Variants in BMX observed in about 807,000 individuals in gnomAD.
The protein encoded by BMX is BMX non-receptor tyrosine kinase.
A neutral mutation model predicts 59.2 loss-of-function variants in BMX; 31 were observed. The observed-to-expected ratio is 0.52, with a 90% CI of 0.39 to 0.71. The LOEUF is 0.71. BMX is among the 30% of genes least tolerant of loss of function. BMX has a pLI of 0.00. For synonymous variants in BMX, 185 were observed against 181.0 expected (o/e 1.02, Z -0.18); for missense variants, 474 against 491.7 (o/e 0.96, Z 0.34).
intron 18 of BMX, among the ~76,000 whole-genome samples, chrX:15,551,650 A>C (rs1307770742): frequency 9.0e-6 from 1 of 110,845 alleles, no homozygotes; most frequent in East Asian, 2.8e-4. Context: ...ACCGGAGCCT[A>C]GAGTCCCACT....
rs183370674 is a variant in BMX at position 15,521,177 on chromosome X, A to G, written c.511-1169A>G. On this transcript the variant is annotated intron_variant, in intron 6 of 18. Transcript: ENST00000348343. ...CTCAGATAAAGAAACACAACATCACAGAACCCCAGGGACACCCTGATGTTC... is the reference window on the plus strand; with the variant it reads ...CTCAGATAAAGAAACACAACATCACGGAACCCCAGGGACACCCTGATGTTC... Among the ~76,000 whole-genome samples the G allele has an allele frequency of 3.8e-3, 429 of 111,699 alleles. 1 individual carries two copies. Among genetic ancestry groups the G allele is most frequent in the African/African-American group, 0.013 (407 of 30,737 alleles).
At chrX:15,550,880 T>G (rs1926166829) in intron 18 of BMX, among the ~76,000 whole-genome samples, 1 of 111,402 alleles carries the variant, frequency 9.0e-6, no homozygotes, top group Non-Finnish European at 1.9e-5. Flanking sequence ...AGCAGCTTCT[T>G]GAATGCATTG....
Position 15,526,222 on chromosome X carries a change from C to T in BMX, c.884+127C>T, listed in dbSNP as rs375276141. ...GGCTGTATTTACATGGGTAAACTCA[C>T]GTAATGTTCTGGGTCATTTATCTAG... On this transcript the variant is annotated intron_variant, in intron 9 of 18. Transcript: ENST00000348343. 15 of 522,247 alleles carry T rather than the reference C, an allele frequency of 2.9e-5. No homozygotes were observed. In the Admixed American group the frequency reaches 3.3e-4, roughly 12 times the overall value. The allele number at this position is 522,247 out of a possible 1,213,427, so 43.0% of individuals were successfully genotyped here.
At chrX:15,523,300 C>T (rs1286467506) in intron 7 of BMX, among the ~76,000 whole-genome samples, 1 of 111,983 alleles carries the variant, frequency 8.9e-6, no homozygotes. Context: ...AGCATCCCTG[C>T]AGGGAAGTCA....
rs1924943676 is a variant in BMX, at chrX:15,529,193, G to C, written c.885-780G>C. On this transcript the variant is annotated intron_variant, in intron 9 of 18. Transcript: ENST00000348343. The stretch of plus-strand genomic sequence containing the variant: ...GACCTAAGGCTCTTTCTATTTTATT[G>C]AGCTGTCCACCAGCTGACATCCCTT... Among the ~76,000 whole-genome samples the C allele has an allele frequency of 2.7e-5, 3 of 111,472 alleles. No homozygotes were observed. In the South Asian group the frequency reaches 1.1e-3, roughly 42 times the overall value.
intron 14 of BMX, among the ~76,000 whole-genome samples, chrX:15,538,413 G>T (rs1439438337): frequency 9.0e-6 from 1 of 111,608 alleles, no homozygotes; most frequent in Non-Finnish European, 1.9e-5. Flanking sequence ...GAATCAATCA[G>T]TATGGTATGA....
At chrX:15,514,018 TGTC>T (rs1474313269) in intron 4 of BMX, among the ~76,000 whole-genome samples, 3 of 111,831 alleles carry the variant, frequency 2.7e-5, no homozygotes, top group African/African-American at 9.8e-5. Flanking sequence ...TTCCTCTTAT[TGTC>T]GTTATTAGGT....
Position 15,537,280 on chromosome X carries a change from T to A in BMX, c.1369T>A (p.Phe457Ile). The A allele has an allele frequency of 8.3e-7, 1 of 1,210,598 alleles. No homozygotes were observed. Among genetic ancestry groups the A allele is most frequent in the Non-Finnish European group, 1.1e-6 (1 of 895,086 alleles). Reference sequence around the variant, plus strand: ...GGAGGGCTCCATGTCAGAAGATGAATTCTTTCAGGAGGCCCAGACTATGAT... The same window carrying A: ...GGAGGGCTCCATGTCAGAAGATGAAATCTTTCAGGAGGCCCAGACTATGAT... ...IKEGSMSEDE[F>I]FQEAQTMMKL... The change falls in exon 14 of 19, where the codon TTC (phenylalanine) becomes ATC (isoleucine). Residue 457 changes from phenylalanine (F) to isoleucine (I), a missense_variant. Physicochemically the swap from Phe to Ile is conservative, Grantham distance 21 (BLOSUM62 0). Coordinates refer to ENST00000348343, the MANE Select transcript of BMX (RefSeq NM_203281.3).
chrX:15,511,075 T>C (rs1166152150), intron 3 of BMX, among the ~76,000 whole-genome samples: 2 of 111,947 alleles, frequency 1.8e-5, no homozygotes, highest in African/African-American at 6.5e-5. Flanking sequence ...TTAAACATTT[T>C]CCAGTGGGCT....
intron 18 of BMX, among the ~76,000 whole-genome samples, chrX:15,550,788 A>G (rs1000813309): frequency 9.0e-6 from 1 of 110,514 alleles, no homozygotes; most frequent in Non-Finnish European, 1.9e-5. Context: ...CATAACTTTC[A>G]ATGGCAAAAA....
rs146068749 is a variant in BMX, at chrX:15,516,994, C to T, written c.445+763C>T. 2.5e-4 allele frequency among the ~76,000 whole-genome samples: 28 copies of T among 111,462 alleles called. No individual in the cohort carries two copies. The East Asian group carries it at 7.9e-3, about 31-fold the overall frequency. ...ACAAAATATGCCTGGATTACAATGG[C>T]TTTAAAGAATTGAATGAGATCAGCT... On this transcript the variant is annotated intron_variant, in intron 5 of 18. Coordinates refer to ENST00000348343, the MANE Select transcript of BMX (RefSeq NM_203281.3).
chrX:15,552,067 T>C (rs1422881009), intron 18 of BMX, among the ~76,000 whole-genome samples: 4 of 112,457 alleles, frequency 3.6e-5, no homozygotes, highest in Non-Finnish European at 7.5e-5. Context: ...CAACTGTATA[T>C]GGCTGCCAAT....
chrX:15,527,289 C>T (rs762415556), intron 9 of BMX, among the ~76,000 whole-genome samples: 878 of 73,088 alleles, frequency 0.012, 27 homozygotes, highest in African/African-American at 0.052. Flanking sequence ...TATATACACA[C>T]ACACACACAC....
intron 15 of BMX, 127 bp from the exon 16 acceptor site, chrX:15,542,944 C>T (rs1312432351): frequency 3.4e-6 from 2 of 592,264 alleles, no homozygotes; most frequent in Non-Finnish European, 5.3e-6. Context: ...AAAAAGACAA[C>T]TTTAGAGCAC....
At chrX:15,543,828 T>A (rs1037389408) in intron 16 of BMX, among the ~76,000 whole-genome samples, 14 of 112,051 alleles carry the variant, frequency 1.2e-4, no homozygotes, top group Non-Finnish European at 2.1e-4. Flanking sequence ...ATCGTTTTTT[T>A]AAAGTCTTCT....
Position 15,502,450 on chromosome X carries a change from C to T in BMX, c.-10+1510C>T, listed in dbSNP as rs757886595. ...TGGGGCACTGAAGATTAATCTCACA[C>T]CTAAAGCAAAACTTAGCTCCAAAAA... On this transcript the variant is annotated intron_variant, in intron 1 of 18. Transcript: ENST00000348343. 2.7e-5 allele frequency among the ~76,000 whole-genome samples: 3 copies of T among 112,037 alleles called. No homozygotes were observed. The South Asian group carries it at 1.1e-3, about 41-fold the overall frequency.
Position 15,546,785 on chromosome X carries a change from A to G in BMX, c.1677-18A>G. The G allele has an allele frequency of 8.5e-7, 1 of 1,180,230 alleles. No individual in the cohort carries two copies. The highest frequency in any genetic ancestry group is 1.2e-6 in the Non-Finnish European group (1 of 867,994). ...CCACCACGGCTTAAGGTCTGTGTTG[A>G]TGTGTTTTCCCTGGCAGGTATGTTC... On this transcript the variant is annotated intron_variant, in intron 16 of 18. Coordinates refer to ENST00000348343, the MANE Select transcript of BMX (RefSeq NM_203281.3).
rs149207813 is a variant in BMX, at chrX:15,553,793, A to G, written c.1954-2280A>G. On this transcript the variant is annotated intron_variant, in intron 18 of 18. Coordinates refer to ENST00000348343, the MANE Select transcript of BMX (RefSeq NM_203281.3). ...GACAAGGGTTTTTCAGTTGAAGCCCAGAACCTCCCTGGCCCTCCCTACTCT... is the reference window on the plus strand; with the variant it reads ...GACAAGGGTTTTTCAGTTGAAGCCCGGAACCTCCCTGGCCCTCCCTACTCT... 2.7e-3 allele frequency among the ~76,000 whole-genome samples: 304 copies of G among 111,579 alleles called. 2 individuals carry two copies. The highest frequency in any genetic ancestry group is 9.6e-3 in the African/African-American group (295 of 30,661).
At chrX:15,552,345 C>T in intron 18 of BMX, among the ~76,000 whole-genome samples, 1 of 111,760 alleles carries the variant, frequency 8.9e-6, no homozygotes, top group Non-Finnish European at 1.9e-5. Context: ...ACCCTCTTCC[C>T]CGATTTGTAG....
Sources: gnomAD v4.1 joint callset for allele counts (sites outside exome capture counted in the v4.1 genomes callset) on GRCh38, gnomAD v4.1.1 for gene constraint, MANE v1.5 for transcripts, NCBI Gene and HGNC (gene_info 2026-07-23, HGNC 2026-07-21) for gene names.